The following ZMAT4 variants were observed in gnomAD, a reference collection of about 807,000 sequenced individuals.
The protein encoded by ZMAT4 is zinc finger matrin-type 4.
Under a neutral mutation model 28.7 loss-of-function variants are expected in ZMAT4, and 17 were observed. That is an observed-to-expected ratio of 0.59 (90% CI 0.41 to 0.89). The LOEUF (loss-of-function observed/expected upper bound fraction) is 0.89. Among genes scored for constraint, ZMAT4 ranks in the 40% least tolerant of loss-of-function variants. The pLI is 0.00. For synonymous variants in ZMAT4, 117 were observed against 109.2 expected, an observed-to-expected ratio of 1.07 and a Z score of -0.44; for missense variants, 240 against 283.8, an observed-to-expected ratio of 0.85 and a Z score of 1.11.
intron 1 of ZMAT4, among the ~76,000 whole-genome samples, chr8:40,880,915 A>G (rs1388149074): frequency 6.6e-6 from 1 of 152,004 alleles, no homozygotes; most frequent in Non-Finnish European, 1.5e-5. Context: ...ATCACCCCCT[A>G]ACTCCTCCTC....
At chr8:40,851,240 A>G (rs1476998223) in intron 1 of ZMAT4, among the ~76,000 whole-genome samples, 2 of 152,210 alleles carry the variant, frequency 1.3e-5, no homozygotes. Context: ...AGGCTGGAGA[A>G]TCGCTTGAAC....
chr8:40,892,624 C>CT (rs948277907), intron 1 of ZMAT4, among the ~76,000 whole-genome samples: 3 of 152,234 alleles, frequency 2.0e-5, no homozygotes, highest in South Asian at 2.1e-4. Flanking sequence ...GCAAATAACA[C>CT]TGACTTGGGA....
chr8:40,772,937 A>G (rs1813442058), intron 2 of ZMAT4, among the ~76,000 whole-genome samples: 1 of 152,160 alleles, frequency 6.6e-6, no homozygotes, highest in Admixed American at 6.5e-5. Flanking sequence ...ATGCGAGATG[A>G]GGGACTCCAT....
rs1444156713 is a variant in ZMAT4, at chr8:40,658,776, T to TA, written c.577+15927dup. Among the ~76,000 whole-genome samples the TA allele has an allele frequency of 2.0e-5, 3 of 152,112 alleles. No homozygotes were observed. In the East Asian group the frequency reaches 5.8e-4, roughly 29 times the overall value. On this transcript the variant is annotated intron_variant, in intron 5 of 6. Transcript: ENST00000297737. ...TCAAGCCAGTAAGACTGTGGGTTTTTACCTATATTCCAGCCAGCCAGCTTG... is the reference window on the plus strand; with the variant it reads ...TCAAGCCAGTAAGACTGTGGGTTTTTAACCTATATTCCAGCCAGCCAGCTTG...
chr8:40,855,245 G>A (rs1052913434), intron 1 of ZMAT4, among the ~76,000 whole-genome samples: 3 of 152,080 alleles, frequency 2.0e-5, no homozygotes, highest in Non-Finnish European at 4.4e-5. Flanking sequence ...ACAAGCTGTG[G>A]TTTTACCCTG....
intron 1 of ZMAT4, among the ~76,000 whole-genome samples, chr8:40,854,666 A>C (rs1416888868): frequency 1.3e-5 from 2 of 152,164 alleles, no homozygotes; most frequent in African/African-American, 4.8e-5. Flanking sequence ...CCCAAAGACC[A>C]AGGTCTCAGC....
At chr8:40,642,807 T>C (rs1807103601) in intron 5 of ZMAT4, among the ~76,000 whole-genome samples, 1 of 152,176 alleles carries the variant, frequency 6.6e-6, no homozygotes, top group African/African-American at 2.4e-5. Flanking sequence ...GGAGCAGAGA[T>C]CATTTCCATT....
intron 2 of ZMAT4, among the ~76,000 whole-genome samples, chr8:40,771,610 T>C (rs907758356): frequency 1.5e-4 from 23 of 152,232 alleles, no homozygotes; most frequent in Non-Finnish European, 2.9e-4. Context: ...TCAAAATGCA[T>C]TTCTGTTTCA....
At chr8:40,805,458 T>C (rs1347141756) in intron 2 of ZMAT4, among the ~76,000 whole-genome samples, 1 of 149,470 alleles carries the variant, frequency 6.7e-6, no homozygotes, top group Non-Finnish European at 1.5e-5. Context: ...CAAAGGACTG[T>C]AAATCATGCT....
At chr8:40,612,792 T>C (rs1805844255) in intron 5 of ZMAT4, among the ~76,000 whole-genome samples, 1 of 121,588 alleles carries the variant, frequency 8.2e-6, no homozygotes, top group South Asian at 2.6e-4. Flanking sequence ...ACCCAGTCAT[T>C]CTCTGTATTT....
chr8:40,625,004 G>A (rs1235839132), intron 5 of ZMAT4, among the ~76,000 whole-genome samples: 1 of 152,210 alleles, frequency 6.6e-6, no homozygotes, highest in African/African-American at 2.4e-5. Context: ...GTGGTAAAAG[G>A]AGGGGGCAGT....
intron 2 of ZMAT4, among the ~76,000 whole-genome samples, chr8:40,785,120 G>T (rs994244569): frequency 6.6e-6 from 1 of 152,130 alleles, no homozygotes; most frequent in Non-Finnish European, 1.5e-5. Flanking sequence ...CAGTTCCTGG[G>T]ATACACATAT....
rs1424338039 is a variant in ZMAT4, at chr8:40,614,270, C to A, written c.578-33009G>T. 2.0e-5 allele frequency among the ~76,000 whole-genome samples: 3 copies of A among 152,162 alleles called. No homozygotes were observed. In the South Asian group the frequency reaches 6.2e-4, roughly 31 times the overall value. On this transcript the variant is annotated intron_variant, in intron 5 of 6. Transcript: ENST00000297737. The stretch of plus-strand genomic sequence containing the variant: ...CAATTCTAAAAAGGATTGAATGCAA[C>A]GTTAAATAAAATCCTCTTTACAATA...
chr8:40,744,149 G>C (rs1006186343), intron 3 of ZMAT4, among the ~76,000 whole-genome samples: 1 of 152,170 alleles, frequency 6.6e-6, no homozygotes, highest in Non-Finnish European at 1.5e-5. Flanking sequence ...TCCCCTCCGT[G>C]GGACCTTGGA....
At chr8:40,663,329 A>C (rs79467403) in intron 5 of ZMAT4, among the ~76,000 whole-genome samples, 7,201 of 152,160 alleles carry the variant, frequency 0.047, 247 homozygotes, top group East Asian at 0.08. Context: ...TTGTGGTTGG[A>C]GGGCTCCCAA....
At chr8:40,607,994 C>G (rs79088886) in intron 5 of ZMAT4, among the ~76,000 whole-genome samples, 1 of 151,594 alleles carries the variant, frequency 6.6e-6, no homozygotes, top group African/African-American at 2.4e-5. Flanking sequence ...ATGTGTTGGT[C>G]TTATGTTGGT....
rs1248835217 is a variant in ZMAT4, at chr8:40,716,952, G to A, written c.193-19551C>T. ...TTCTCCTCCTGTTCCCTGGACGCTA[G>A]CATACCTATCATTGTGAAACTGTGT... On this transcript the variant is annotated intron_variant, in intron 3 of 6. Coordinates refer to ENST00000297737, the MANE Select transcript of ZMAT4 (RefSeq NM_024645.3). Among the ~76,000 whole-genome samples, 6 of 152,146 alleles carry A rather than the reference G, an allele frequency of 3.9e-5. No individual in the cohort carries two copies. The East Asian group carries it at 1.2e-3, about 29-fold the overall frequency.
chr8:40,836,887 A>G (rs1816512265), intron 1 of ZMAT4, among the ~76,000 whole-genome samples: 1 of 152,190 alleles, frequency 6.6e-6, no homozygotes, highest in African/African-American at 2.4e-5. Flanking sequence ...AACTGATGTT[A>G]GTGATAGTGA....
At chr8:40,875,056 G>A (rs540064842) in intron 1 of ZMAT4, among the ~76,000 whole-genome samples, 59 of 152,264 alleles carry the variant, frequency 3.9e-4, no homozygotes, top group African/African-American at 1.4e-3. Flanking sequence ...ACCTCACCCA[G>A]GAACTGTCCA....
Sources: gnomAD v4.1 joint callset for allele counts (sites outside exome capture counted in the v4.1 genomes callset) on GRCh38, gnomAD v4.1.1 for gene constraint, MANE v1.5 for transcripts, NCBI Gene and HGNC (gene_info 2026-07-23, HGNC 2026-07-21) for gene names.